The following PTPRM variants were observed in gnomAD, a reference collection of about 807,000 sequenced individuals.
PTPRM encodes protein tyrosine phosphatase receptor type M, also known as receptor-type tyrosine-protein phosphatase mu.
PTPRM carries 47 observed loss-of-function variants against 186.7 expected under a neutral mutation model. The ratio of observed to expected loss-of-function variants is 0.25; its 90% CI spans 0.20 to 0.32. The LOEUF is 0.32. Ranked by LOEUF, PTPRM falls within the 10% of genes least tolerant of loss-of-function variation. PTPRM has a pLI of 1.00. For synonymous variants in PTPRM, 668 were observed against 674.9 expected (o/e 0.99, Z 0.16); for missense variants, 1,494 against 1,865.0 (o/e 0.80, Z 3.66).
chr18:7,590,411 C>T lies in PTPRM; in HGVS notation c.73+22520C>T, dbSNP rs151043594. Among the ~76,000 whole-genome samples, 22 of 152,104 alleles carry T rather than the reference C, an allele frequency of 1.4e-4. No individual in the cohort carries two copies. The East Asian group carries it at 4.3e-3, about 29-fold the overall frequency. On this transcript the variant is annotated intron_variant, in intron 1 of 32. Coordinates refer to ENST00000580170, the MANE Select transcript of PTPRM (RefSeq NM_001105244.2). ...ACAGAGGTCTCCAGAGTGTGCACACCTGGAGGGTGGAAAGATGGTCACTTG... is the reference window on the plus strand; with the variant it reads ...ACAGAGGTCTCCAGAGTGTGCACACTTGGAGGGTGGAAAGATGGTCACTTG...
intron 11 of PTPRM, among the ~76,000 whole-genome samples, chr18:8,105,046 T>C (rs541841334): frequency 6.6e-6 from 1 of 152,310 alleles, no homozygotes; most frequent in African/African-American, 2.4e-5. Flanking sequence ...TTCAAACCTT[T>C]TGAAAAGGCT....
intron 2 of PTPRM, among the ~76,000 whole-genome samples, chr18:7,800,083 A>T (rs1034371655): frequency 3.3e-5 from 5 of 152,310 alleles, no homozygotes; most frequent in African/African-American, 1.2e-4. Context: ...ATCCTAAGCA[A>T]TAAAGTTGTC....
intron 14 of PTPRM, among the ~76,000 whole-genome samples, chr18:8,208,519 A>ATTT (rs112787043): frequency 1.3e-5 from 2 of 149,332 alleles, no homozygotes; most frequent in African/African-American, 4.9e-5. Flanking sequence ...GGCAAGGCCT[A>ATTT]TTTTTTTTTT....
Position 8,070,014 on chromosome 18 carries a change from A to G in PTPRM, c.1441+20A>G. 6.3e-7 allele frequency: 1 copy of G among 1,588,078 alleles called. No homozygotes were observed. ...AAGACCGTGAGTACCTTTGAATGAT[A>G]TGTTTGTGTAAAACATGTTCTTTCA... is the stretch of plus-strand genomic sequence containing the variant. On this transcript the variant is annotated intron_variant, in intron 8 of 32. Transcript: ENST00000580170.
intron 1 of PTPRM, among the ~76,000 whole-genome samples, chr18:7,625,697 G>T (rs1274320451): frequency 7.3e-6 from 1 of 137,702 alleles, no homozygotes; most frequent in African/African-American, 2.6e-5. Flanking sequence ...ATGATGCCCG[G>T]TTAATTTTTG....
chr18:8,359,864 C>T (rs1219156113), intron 23 of PTPRM, among the ~76,000 whole-genome samples: 3 of 152,230 alleles, frequency 2.0e-5, no homozygotes, highest in East Asian at 1.9e-4. Flanking sequence ...GTTTTTCTCC[C>T]GTTTTGCGCA....
intron 8 of PTPRM, among the ~76,000 whole-genome samples, chr18:8,072,998 A>G (rs1301327045): frequency 3.3e-5 from 4 of 121,724 alleles, no homozygotes; most frequent in Admixed American, 8.6e-5. Context: ...TTCTACTGCC[A>G]TTTACCACAG....
intron 5 of PTPRM, among the ~76,000 whole-genome samples, chr18:7,939,689 A>C (rs1172281228): frequency 6.6e-6 from 1 of 152,192 alleles, no homozygotes; most frequent in Non-Finnish European, 1.5e-5. Context: ...AACCCAGGAC[A>C]TTCGGTCACT....
At chr18:7,612,904 C>A (rs1225558729) in intron 1 of PTPRM, among the ~76,000 whole-genome samples, 1 of 152,086 alleles carries the variant, frequency 6.6e-6, no homozygotes, top group Non-Finnish European at 1.5e-5. Flanking sequence ...GGGAGGGTTC[C>A]CTTCATGTGT....
chr18:7,957,268 A>G (rs1309796639), intron 7 of PTPRM, among the ~76,000 whole-genome samples: 2 of 151,540 alleles, frequency 1.3e-5, no homozygotes, highest in Non-Finnish European at 2.9e-5. Context: ...TCCACTGATT[A>G]TAATGCATGT....
At chr18:7,787,126 G>A (rs1426059248) in intron 2 of PTPRM, among the ~76,000 whole-genome samples, 3 of 152,298 alleles carry the variant, frequency 2.0e-5, no homozygotes, top group East Asian at 1.9e-4. Context: ...GCTTTGGGAA[G>A]CATTCACCAT....
chr18:7,835,777 CATT>C, intron 2 of PTPRM, among the ~76,000 whole-genome samples: 1 of 152,184 alleles, frequency 6.6e-6, no homozygotes. Flanking sequence ...TATTTACAAT[CATT>C]ATAGCCTCTT....
chr18:7,842,882 C>CGTGT (rs201565148), intron 2 of PTPRM, among the ~76,000 whole-genome samples: 20 of 58,862 alleles, frequency 3.4e-4, no homozygotes, highest in Admixed American at 2.2e-3. Flanking sequence ...ATATGTTTCT[C>CGTGT]GTGTGTATAT....
Position 7,654,152 on chromosome 18 carries a change from C to G in PTPRM, c.73+86261C>G, listed in dbSNP as rs533688262. Among the ~76,000 whole-genome samples the G allele has an allele frequency of 4.2e-4, 64 of 152,206 alleles. 3 individuals are homozygous for G. In the South Asian group the frequency reaches 0.013, roughly 32 times the overall value. Reference sequence around the variant, plus strand: ...TATCTCTGTTCTTGTCTTTTGCCCACTTTTTAAGGCAGTTGTTCATTTTTT... The same window carrying G: ...TATCTCTGTTCTTGTCTTTTGCCCAGTTTTTAAGGCAGTTGTTCATTTTTT... On this transcript the variant is annotated intron_variant, in intron 1 of 32. Transcript: ENST00000580170.
At chr18:7,620,320 C>T (rs2143961968) in intron 1 of PTPRM, among the ~76,000 whole-genome samples, 1 of 152,204 alleles carries the variant, frequency 6.6e-6, no homozygotes, top group South Asian at 2.1e-4. Context: ...CTGTTTCTAT[C>T]CTTTGCATGG....
intron 1 of PTPRM, among the ~76,000 whole-genome samples, chr18:7,682,892 A>C (rs2144585879): frequency 6.6e-6 from 1 of 152,150 alleles, no homozygotes; most frequent in Admixed American, 6.5e-5. Flanking sequence ...CCTACTCTGG[A>C]TACTTTTTTA....
chr18:7,992,973 CAA>C (rs2083339471), intron 7 of PTPRM, among the ~76,000 whole-genome samples: 1 of 151,598 alleles, frequency 6.6e-6, no homozygotes, highest in Non-Finnish European at 1.5e-5. Flanking sequence ...TATTTACAAA[CAA>C]AGTTATAATG....
intron 1 of PTPRM, among the ~76,000 whole-genome samples, chr18:7,706,438 A>G (rs1352774668): frequency 1.3e-5 from 2 of 151,612 alleles, no homozygotes; most frequent in Non-Finnish European, 2.9e-5. Flanking sequence ...TTCTACAAAA[A>G]AATAAAAAAA....
intron 1 of PTPRM, among the ~76,000 whole-genome samples, chr18:7,609,538 T>A (rs1342458873): frequency 2.7e-5 from 4 of 149,508 alleles, no homozygotes; most frequent in Non-Finnish European, 5.9e-5. Context: ...TTTTTTTTTT[T>A]AAAGGCAAGC....
Sources: gnomAD v4.1 joint callset for allele counts (sites outside exome capture counted in the v4.1 genomes callset) on GRCh38, gnomAD v4.1.1 for gene constraint, MANE v1.5 for transcripts, NCBI Gene and HGNC (gene_info 2026-07-23, HGNC 2026-07-21) for gene names.